The following CREBBP variants were observed in gnomAD, a reference collection of about 807,000 sequenced individuals.
The protein encoded by CREBBP is CREB binding lysine acetyltransferase.
CREBBP carries 19 observed loss-of-function variants against 265.0 expected under a neutral mutation model. The observed-to-expected ratio is 0.07, with a 90% confidence interval of 0.05 to 0.11. CREBBP has a LOEUF of 0.11. CREBBP is among the 10% of genes least tolerant of loss of function. The pLI, the probability that CREBBP is intolerant of heterozygous loss-of-function variation, is 1.00. For synonymous variants in CREBBP, 1,457 were observed against 1,223.7 expected, an observed-to-expected ratio of 1.19 and a Z score of -3.98; for missense variants, 2,525 against 3,219.0, an observed-to-expected ratio of 0.78 and a Z score of 5.22.
In CREBBP at chr16:3,731,664, G is replaced by C. The variant is rs1235046195; in HGVS notation, c.4890+112C>G. The C allele has an allele frequency of 4.0e-6, 6 of 1,510,588 alleles. No homozygotes were observed. The highest frequency in any genetic ancestry group is 4.6e-6 in the Non-Finnish European group (5 of 1,090,752). The allele number at this position is 1,510,588 out of a possible 1,614,324, so 93.6% of individuals were successfully genotyped here. A position where few individuals can be genotyped will look rare whatever the true frequency, so the allele number is the denominator to read the frequency against. ...CCCAACTGGTCCACTTGGTTTCCTG[G>C]GGGCCACTTCCCTCCCACCACAGAC... is the stretch of plus-strand genomic sequence containing the variant. On this transcript the variant is annotated intron_variant, in intron 29 of 30. Transcript: ENST00000262367. This position sits in a 1 kb window ranked among gnomAD's most constrained non-coding sequence, Gnocchi z 7.7.
At chr16:3,828,793 T>C (rs2054287837) in intron 2 of CREBBP, among the ~76,000 whole-genome samples, 1 of 152,218 alleles carries the variant, frequency 6.6e-6, no homozygotes, top group African/African-American at 2.4e-5. Context: ...ATTTTCTGCA[T>C]AGGCAGGAAA....
In CREBBP at chr16:3,773,966, G is replaced by A. The variant is rs757722869; in HGVS notation, c.2284-36C>T. 5.0e-6 allele frequency: 8 copies of A among 1,609,012 alleles called. No homozygotes were observed. The Admixed American group carries it at 5.0e-5, about 10-fold the overall frequency. On this transcript the variant is annotated intron_variant, in intron 12 of 30. Coordinates refer to ENST00000262367, the MANE Select transcript of CREBBP (RefSeq NM_004380.3). ...ACAAGCACCACCAGAGCTGTAGTTCGGAAGCTGACGGCCAGAGTTTTCAAG... is the reference window on the plus strand; with the variant it reads ...ACAAGCACCACCAGAGCTGTAGTTCAGAAGCTGACGGCCAGAGTTTTCAAG...
At chr16:3,772,328 AACACACACACACACACACACACAC>A (rs34060381) in intron 13 of CREBBP, among the ~76,000 whole-genome samples, 3 of 145,256 alleles carry the variant, frequency 2.1e-5, no homozygotes, top group East Asian at 2.0e-4. Context: ...CTGAAACACA[AACACACACACACACACACACACAC>A]ACACACACAC....
chr16:3,750,767 A>C (rs1242026921), intron 20 of CREBBP, among the ~76,000 whole-genome samples: 1 of 152,246 alleles, frequency 6.6e-6, no homozygotes, highest in Non-Finnish European at 1.5e-5. Flanking sequence ...TTTAGGCCAA[A>C]AAATGGGGTT....
intron 1 of CREBBP, among the ~76,000 whole-genome samples, chr16:3,876,307 TG>T (rs938663754): frequency 9.8e-5 from 14 of 142,960 alleles, no homozygotes; most frequent in African/African-American, 3.4e-4. Context: ...CCCTAAGCAC[TG>T]GGATTATAGG....
chr16:3,837,987 T>G (rs1306102857), intron 2 of CREBBP, among the ~76,000 whole-genome samples: 2 of 152,060 alleles, frequency 1.3e-5, no homozygotes, highest in African/African-American at 2.4e-5. Flanking sequence ...TATACAGGTG[T>G]GTTTTACACA....
At chr16:3,842,321 C>A (rs2054579975) in intron 2 of CREBBP, among the ~76,000 whole-genome samples, 2 of 152,190 alleles carry the variant, frequency 1.3e-5, no homozygotes, top group African/African-American at 4.8e-5. Context: ...TTCCTTCTGT[C>A]ATCTCTGTGT....
In CREBBP at chr16:3,777,644, G is replaced by A. The variant is rs1230100566; in HGVS notation, c.2127C>T (p.Ser709=). The A allele has an allele frequency of 6.2e-7, 1 of 1,614,002 alleles. No homozygotes were observed. The highest frequency in any genetic ancestry group is 1.3e-5 in the African/African-American group (1 of 75,002). The change falls in exon 11 of 31, where the codon TCC becomes TCT. Residue 709 remains serine (S), a synonymous_variant. Transcript: ENST00000262367. ...QPVRPPNGPL[S]LPVNRMQVSQ... ...AAACTTGCATGCGATTCACTGGCAG[G>A]GACAGGGGTCCATCTATGGTGGCAA...
intron 19 of CREBBP, among the ~76,000 whole-genome samples, chr16:3,756,999 T>C (rs1005388220): frequency 2.0e-4 from 31 of 152,190 alleles, no homozygotes; most frequent in Non-Finnish European, 3.2e-4. Context: ...TGGGCCTAAG[T>C]GACTAACAAG....
At chr16:3,747,259 A>G (rs2052363946) in intron 21 of CREBBP, among the ~76,000 whole-genome samples, 1 of 152,218 alleles carries the variant, frequency 6.6e-6, no homozygotes, top group Non-Finnish European at 1.5e-5. Flanking sequence ...AACCAGTGCT[A>G]TTCTTCAAAA....
intron 3 of CREBBP, among the ~76,000 whole-genome samples, chr16:3,801,734 C>A (rs1334566495): frequency 6.6e-6 from 1 of 152,092 alleles, no homozygotes; most frequent in African/African-American, 2.4e-5. Context: ...TGCTGGTAAT[C>A]GGGTACATGG....
chr16:3,774,558 A>G lies in CREBBP; in HGVS notation c.2283+11T>C, dbSNP rs374746644. Reference sequence around the variant, plus strand: ...AGGGCTATCTGCAGCACAGCGAAAGAGAACACTTACCCCTGGCACTGAGCC... The same window carrying G: ...AGGGCTATCTGCAGCACAGCGAAAGGGAACACTTACCCCTGGCACTGAGCC... On this transcript the variant is annotated intron_variant, in intron 12 of 30. Transcript: ENST00000262367. 1.1e-4 allele frequency: 172 copies of G among 1,614,006 alleles called. No individual in the cohort carries two copies. Among genetic ancestry groups the G allele is most frequent in the Non-Finnish European group, 1.4e-4 (160 of 1,180,038 alleles).
At chr16:3,797,445 T>C (rs1378392139) in intron 3 of CREBBP, among the ~76,000 whole-genome samples, 1 of 152,220 alleles carries the variant, frequency 6.6e-6, no homozygotes. Flanking sequence ...CTTCAGATAG[T>C]ACTGAATCCT....
In CREBBP at chr16:3,870,295, C is replaced by G. The variant is rs189588207; in HGVS notation, c.85+9537G>C. Among the ~76,000 whole-genome samples, 34 of 152,258 alleles carry G rather than the reference C, an allele frequency of 2.2e-4. 1 individual carries two copies. In the East Asian group the frequency reaches 5.0e-3, roughly 22 times the overall value. ...CTTTCAAGATCTGTGTAGCTGAGCCCGAGAGGCAATTGAGTTTCACTGGTA... is the reference window on the plus strand; with the variant it reads ...CTTTCAAGATCTGTGTAGCTGAGCCGGAGAGGCAATTGAGTTTCACTGGTA... On this transcript the variant is annotated intron_variant, in intron 1 of 30. Coordinates refer to ENST00000262367, the MANE Select transcript of CREBBP (RefSeq NM_004380.3).
intron 23 of CREBBP, among the ~76,000 whole-genome samples, chr16:3,743,986 G>A (rs2052279418): frequency 6.6e-6 from 1 of 152,048 alleles, no homozygotes; most frequent in Non-Finnish European, 1.5e-5. Context: ...TGAGGCAGGA[G>A]AATCGCTTGA....
intron 1 of CREBBP, among the ~76,000 whole-genome samples, chr16:3,875,034 C>G (rs573682171): frequency 1.8e-4 from 27 of 152,234 alleles, no homozygotes; most frequent in African/African-American, 6.3e-4. Context: ...AATTATGGAC[C>G]CCCCAGGTAA....
intron 19 of CREBBP, among the ~76,000 whole-genome samples, chr16:3,753,022 G>A (rs569634621): frequency 6.6e-6 from 1 of 152,226 alleles, no homozygotes; most frequent in Admixed American, 6.5e-5. Context: ...ACACAAGCGA[G>A]AAGAATGAGT....
At chr16:3,820,430 C>T (rs2054119753) in intron 2 of CREBBP, among the ~76,000 whole-genome samples, 1 of 152,186 alleles carries the variant, frequency 6.6e-6, no homozygotes, top group Non-Finnish European at 1.5e-5. Flanking sequence ...AGCCCACCTT[C>T]CCCCTCAATT....
intron 17 of CREBBP, among the ~76,000 whole-genome samples, chr16:3,758,566 C>A (rs1470632056): frequency 6.6e-6 from 1 of 152,158 alleles, no homozygotes; most frequent in Non-Finnish European, 1.5e-5. Context: ...TTCACAAATT[C>A]TTTCAGACAA....
Sources: gnomAD v4.1 joint callset for allele counts (sites outside exome capture counted in the v4.1 genomes callset) on GRCh38, gnomAD v4.1.1 for gene constraint, Gnocchi (gnomAD v3.1) non-coding constraint, MANE v1.5 for transcripts, NCBI Gene and HGNC (gene_info 2026-07-23, HGNC 2026-07-21) for gene names.